CENPT: variants seen among roughly 807,000 people sequenced by gnomAD.
CENPT encodes the protein centromere protein T.
A neutral mutation model predicts 59.7 loss-of-function variants in CENPT; 42 were observed. The observed-to-expected ratio is 0.70, with a 90% CI of 0.55 to 0.91. The LOEUF is 0.91. Ranked by LOEUF, CENPT falls within the 40% of genes least tolerant of loss-of-function variation. CENPT has a pLI of 0.00. For missense variants in CENPT, 716 were observed against 713.4 expected (o/e 1.00, Z -0.04); for synonymous variants, 295 against 289.6 (o/e 1.02, Z -0.19).
rs979368406 is a variant in CENPT at position 67,842,074 on chromosome 16, A to C, written c.-492+5327T>G. 3 of 152,366 alleles carry C rather than the reference A, an allele frequency of 2.0e-5. No homozygotes were observed. The South Asian group carries it at 6.2e-4, about 32-fold the overall frequency. The allele number at this position is 152,366 out of a possible 1,614,324, so 9.4% of individuals were successfully genotyped here. A position where few individuals can be genotyped will look rare whatever the true frequency, so the allele number is the denominator to read the frequency against. On this transcript the variant is annotated intron_variant, in intron 1 of 15. Transcript: ENST00000562787. This position sits in a 1 kb window ranked among gnomAD's most constrained non-coding sequence, Gnocchi z 4.9. ...GGTGAGGCGCGCACCGCCCCGCTCC[A>C]CGCCCCTATCAGGATTCGGGTCCTC...
chr16:67,843,308 A>T lies in CENPT; in HGVS notation c.-492+4093T>A. ...CCATTCGTACTCCTTGTCGTCAGGCACCACGGAGGAGGAGCTCCTGCGCAA... is the reference window on the plus strand; with the variant it reads ...CCATTCGTACTCCTTGTCGTCAGGCTCCACGGAGGAGGAGCTCCTGCGCAA... On this transcript the variant is annotated intron_variant, in intron 1 of 15. Transcript: ENST00000562787. This position sits in a 1 kb window ranked among gnomAD's most constrained non-coding sequence, Gnocchi z 5.7. 2 of 1,613,912 alleles carry T rather than the reference A, an allele frequency of 1.2e-6. No homozygotes were observed. The highest frequency in any genetic ancestry group is 1.7e-6 in the Non-Finnish European group (2 of 1,180,034).
At position 67,832,262 on chromosome 16, in the gene CENPT, T is replaced by G; in HGVS notation, c.255A>C (p.Thr85=). Residue 85 remains threonine, a synonymous_variant, in exon 6 of 16, where the codon ACA becomes ACC. Coordinates refer to ENST00000562787, the MANE Select transcript of CENPT (RefSeq NM_025082.4). ...IQASGHLEEQ[T]PRTLLKNILL... is the part of the protein sequence containing the mutation. ...GGATGTTCTTCAGCAGCGTCCGAGG[T>G]GTCTGTTCCTCCAAGTGCCCACTGG... 6.2e-7 allele frequency: 1 copy of G among 1,614,154 alleles called. No individual in the cohort carries two copies. Among genetic ancestry groups the G allele is most frequent in the Non-Finnish European group, 8.5e-7 (1 of 1,180,006 alleles).
chr16:67,828,961 C>A, intron 13 of CENPT, 118 bp from the exon 14 acceptor site: 2 of 1,096,024 alleles, frequency 1.8e-6, no homozygotes, highest in Non-Finnish European at 2.5e-6. Context: ...CCAGCCAGGA[C>A]CAGCAGCCCT....
At chr16:67,837,701 A>AAAACAAAC (rs78450482) in intron 1 of CENPT, among the ~76,000 whole-genome samples, 12 of 152,188 alleles carry the variant, frequency 7.9e-5, no homozygotes, top group Admixed American at 4.6e-4. Context: ...CTCCGTCTCA[A>AAAACAAAC]AAACAAACAA....
rs372679645 is a variant in CENPT, at chr16:67,828,783, G to A, written c.1341C>T (p.Thr447=). ...GGGGATCTTGCCGGGGCCTGGGGCCGGTGGTCCGGGGCCTAGGGGGATGCC... is the reference window on the plus strand; with the variant it reads ...GGGGATCTTGCCGGGGCCTGGGGCCAGTGGTCCGGGGCCTAGGGGGATGCC... The part of the protein sequence containing the change: ...LVRHPPRPRT[T]GPRPRQDPHK... The change falls in exon 14 of 16, where the codon ACC becomes ACT. Residue 447 remains threonine (T), a synonymous_variant. Transcript: ENST00000562787. 155 of 1,608,526 alleles carry A rather than the reference G, an allele frequency of 9.6e-5. No homozygotes were observed. The highest frequency in any genetic ancestry group is 3.6e-4 in the African/African-American group (27 of 74,596).
At chr16:67,845,245 C>G (rs1225848506) in intron 1 of CENPT, among the ~76,000 whole-genome samples, 1 of 152,082 alleles carries the variant, frequency 6.6e-6, no homozygotes, top group African/African-American at 2.4e-5. Context: ...ACTTTCAGAC[C>G]CCATAAAATA....
rs748123613 is a variant in CENPT at position 67,842,887 on chromosome 16, G to GCAGCAA, written c.-492+4508_-492+4513dup. The GCAGCAA allele has an allele frequency of 1.3e-6, 2 of 1,585,862 alleles. No homozygotes were observed. Among genetic ancestry groups the GCAGCAA allele is most frequent in the African/African-American group, 1.5e-5 (1 of 68,286 alleles). Reference sequence around the variant, plus strand: ...GGCAGCAGCAGCAACAGCAGCAGCAGCAGCAACAGCAGCAACAGCAGCAGC... The same window carrying GCAGCAA: ...GGCAGCAGCAGCAACAGCAGCAGCAGCAGCAACAGCAACAGCAGCAACAGCAGCAGC... On this transcript the variant is annotated intron_variant, in intron 1 of 15. Coordinates refer to ENST00000562787, the MANE Select transcript of CENPT (RefSeq NM_025082.4). The surrounding 1 kb of genome is among the most constrained non-coding windows in gnomAD (Gnocchi z 4.9).
intron 13 of CENPT, 54 bp from the exon 14 acceptor site, chr16:67,828,897 T>C: frequency 6.6e-7 from 1 of 1,513,732 alleles, no homozygotes; most frequent in Non-Finnish European, 8.8e-7. Context: ...AGGCTCTTAT[T>C]CAAGAGCAAG....
In CENPT at chr16:67,828,510, G is replaced by C; in HGVS notation, c.1526C>G (p.Thr509Ser). 6.2e-7 allele frequency: 1 copy of C among 1,614,244 alleles called. No homozygotes were observed. The highest frequency in any genetic ancestry group is 8.5e-7 in the Non-Finnish European group (1 of 1,180,054). Residue 509 changes from threonine (T) to serine (S), a missense_variant, in exon 15 of 16, where the codon ACT becomes AGT. Physicochemically the swap from Thr to Ser is moderately conservative, Grantham distance 58. Transcript: ENST00000562787. ...EVFAAHAGRK[T>S]VKPEDLELLM... Reference sequence around the variant, plus strand: ...CAGCTCCAGGTCCTCTGGCTTCACAGTCTTGCGGCCAGCATGAGCAGCAAA... The same window carrying C: ...CAGCTCCAGGTCCTCTGGCTTCACACTCTTGCGGCCAGCATGAGCAGCAAA...
intron 13 of CENPT, 94 bp from the exon 14 acceptor site, chr16:67,828,937 C>T: frequency 1.4e-6 from 2 of 1,391,410 alleles, no homozygotes; most frequent in Non-Finnish European, 1.9e-6. Context: ...GGCTGGGGAC[C>T]ACGTGGCCCT....
intron 10 of CENPT, 24 bp from the exon 11 acceptor site, chr16:67,830,572 T>G (rs1485944642): frequency 6.2e-7 from 1 of 1,610,484 alleles, no homozygotes; most frequent in African/African-American, 1.3e-5. Context: ...AGTAACAGGT[T>G]CTGAGGCTGT....
rs2057642791 is a variant in CENPT, at chr16:67,828,863, G to C, written c.1281-20C>G. The C allele has an allele frequency of 6.4e-7, 1 of 1,564,326 alleles. No homozygotes were observed. Among genetic ancestry groups the C allele is most frequent in the Admixed American group, 2.2e-5 (1 of 45,644 alleles). ...GATAAGCTGAGGGCAACAGTGGACA[G>C]AGGGGGCTGAACTTGCCTCAAGGAG... On this transcript the variant is annotated intron_variant, in intron 13 of 15. Coordinates refer to ENST00000562787, the MANE Select transcript of CENPT (RefSeq NM_025082.4).
In CENPT at chr16:67,832,230, G is replaced by C. The variant is rs535664277; in HGVS notation, c.287C>G (p.Thr96Ser). The change falls in exon 6 of 16, where the codon ACT becomes AGT. Residue 96 changes from threonine to serine, a missense_variant and splice_region_variant. Transcript: ENST00000562787. ...PRTLLKNILL[T>S]APESSILMPE... is the part of the protein sequence containing the mutation. Reference sequence around the variant, plus strand: ...CCGGCAGGCCAGCGCTCACTTACCAGTTAGTAGGATGTTCTTCAGCAGCGT... The same window carrying C: ...CCGGCAGGCCAGCGCTCACTTACCACTTAGTAGGATGTTCTTCAGCAGCGT... The C allele has an allele frequency of 1.2e-6, 2 of 1,613,992 alleles. No homozygotes were observed. Among genetic ancestry groups the C allele is most frequent in the African/African-American group, 2.7e-5 (2 of 74,942 alleles).
Position 67,843,571 on chromosome 16 carries a change from C to A in CENPT, c.-492+3830G>T. On this transcript the variant is annotated intron_variant, in intron 1 of 15. Coordinates refer to ENST00000562787, the MANE Select transcript of CENPT (RefSeq NM_025082.4). The surrounding 1 kb of genome is among the most constrained non-coding windows in gnomAD (Gnocchi z 5.7). ...GGGGACCGCAGGCCATTGTTGAACT[C>A]CTCTATACTCCTGGGCACTGGTTGA... The A allele has an allele frequency of 4.1e-6, 6 of 1,454,028 alleles. No individual in the cohort carries two copies. The highest frequency in any genetic ancestry group is 5.6e-6 in the Non-Finnish European group (6 of 1,071,550). The allele number at this position is 1,454,028 out of a possible 1,614,324, so 90.1% of individuals were successfully genotyped here. A position where few individuals can be genotyped will look rare whatever the true frequency, so the allele number is the denominator to read the frequency against.
chr16:67,841,191 T>TAAA (rs1837359460), intron 1 of CENPT, among the ~76,000 whole-genome samples: 1 of 23,238 alleles, frequency 4.3e-5, no homozygotes. Context: ...GAGACTCCTT[T>TAAA]ACAAAAAAAA....
chr16:67,841,797 G>A (rs1235441342), intron 1 of CENPT: 2 of 152,232 alleles, frequency 1.3e-5, no homozygotes, highest in South Asian at 2.1e-4. Context: ...CGCAAAGAAA[G>A]GGGCTCCTGA....
In CENPT at chr16:67,840,866, TC is replaced by T. The variant is rs573528708; in HGVS notation, c.-491-5209del. On this transcript the variant is annotated intron_variant, in intron 1 of 15. Coordinates refer to ENST00000562787, the MANE Select transcript of CENPT (RefSeq NM_025082.4). Reference sequence around the variant, plus strand: ...ACATTTTGTGTTCTTTAAAACATTTTCCCCCAGCCAGGCGCCGTGATCCTAG... The same window carrying T: ...ACATTTTGTGTTCTTTAAAACATTTTCCCCAGCCAGGCGCCGTGATCCTAG... Among the ~76,000 whole-genome samples, 391 of 151,266 alleles carry T rather than the reference TC, an allele frequency of 2.6e-3. 2 individuals are homozygous for T. The highest frequency in any genetic ancestry group is 9.0e-3 in the African/African-American group (372 of 41,180).
In CENPT at chr16:67,833,833, G is replaced by A. The variant is rs374779657; in HGVS notation, c.27C>T (p.Asp9=). Reference sequence around the variant, plus strand: ...GTCGCAGCAGCGTGCGCGGCGTGGAGTCGCTGTCAGGGTTGTGGTCAGCCA... The same window carrying A: ...GTCGCAGCAGCGTGCGCGGCGTGGAATCGCTGTCAGGGTTGTGGTCAGCCA... MADHNPDS[D]STPRTLLRRV... is the part of the protein sequence containing the mutation. The change falls in exon 4 of 16, where the codon GAC becomes GAT. Residue 9 remains aspartate, a synonymous_variant. Coordinates refer to ENST00000562787, the MANE Select transcript of CENPT (RefSeq NM_025082.4). 45 of 1,572,708 alleles carry A rather than the reference G, an allele frequency of 2.9e-5. No individual in the cohort carries two copies. Among genetic ancestry groups the A allele is most frequent in the Non-Finnish European group, 3.6e-5 (42 of 1,162,078 alleles).
intron 1 of CENPT, among the ~76,000 whole-genome samples, chr16:67,846,489 G>A (rs1320995654): frequency 6.6e-6 from 1 of 152,274 alleles, no homozygotes; most frequent in Non-Finnish European, 1.5e-5. Context: ...AAGAGTAACA[G>A]CGGCAGCCAT....
Sources: gnomAD v4.1 joint callset for allele counts (sites outside exome capture counted in the v4.1 genomes callset) on GRCh38, gnomAD v4.1.1 for gene constraint, Gnocchi (gnomAD v3.1) non-coding constraint, MANE v1.5 for transcripts, NCBI Gene and HGNC (gene_info 2026-07-23, HGNC 2026-07-21) for gene names.